Variants in SLC8A1 observed in about 807,000 individuals in gnomAD.
SLC8A1 encodes the protein sodium/calcium exchanger 1.
In SLC8A1, 18 loss-of-function variants were observed where a neutral mutation model predicts 68.3. The ratio of observed to expected loss-of-function variants is 0.26; its 90% confidence interval spans 0.18 to 0.39. The LOEUF is 0.39. SLC8A1 is among the 10% of genes least tolerant of loss of function. The pLI, the probability that SLC8A1 is intolerant of heterozygous loss-of-function variation, is 1.00. For synonymous variants in SLC8A1, 475 were observed against 415.5 expected (o/e 1.14, Z -1.74); for missense variants, 985 against 1,156.7 (o/e 0.85, Z 2.15).
intron 2 of SLC8A1, among the ~76,000 whole-genome samples, chr2:40,232,933 CT>C (rs1193811431): frequency 1.3e-5 from 2 of 148,706 alleles, no homozygotes; most frequent in African/African-American, 5.0e-5. Flanking sequence ...TGAACTCATC[CT>C]TTTTTATGGC....
At chr2:40,118,824 T>G (rs1441552060) in intron 7 of SLC8A1, among the ~76,000 whole-genome samples, 1 of 151,968 alleles carries the variant, frequency 6.6e-6, no homozygotes, top group Admixed American at 6.5e-5. Flanking sequence ...TAATTCCCTC[T>G]GTATGCTACA....
At chr2:40,295,045 A>C in intron 2 of SLC8A1, among the ~76,000 whole-genome samples, 1 of 152,202 alleles carries the variant, frequency 6.6e-6, no homozygotes. Context: ...ATAACTACAG[A>C]TAATCCATAA....
chr2:40,272,838 GGCAAGTAC>G lies in SLC8A1; in HGVS notation c.1809-94991_1809-94984del, dbSNP rs2066212702. Among the ~76,000 whole-genome samples, 3 of 152,328 alleles carry G rather than the reference GGCAAGTAC, an allele frequency of 2.0e-5. No homozygotes were observed. In the East Asian group the frequency reaches 5.8e-4, roughly 29 times the overall value. ...AGCTCACTCTGCTGCCACAGACTCT[GGCAAGTAC>G]GATTTGGAGCACTGACACATGGCCT... is the stretch of plus-strand genomic sequence containing the variant. On this transcript the variant is annotated intron_variant, in intron 2 of 7. Transcript: ENST00000406785.
At chr2:40,323,545 C>G (rs1313995131) in intron 2 of SLC8A1, among the ~76,000 whole-genome samples, 2 of 152,048 alleles carry the variant, frequency 1.3e-5, no homozygotes, top group Non-Finnish European at 2.9e-5. Flanking sequence ...TTTCTATTAA[C>G]ACTCATTCCG....
At chr2:40,151,468 G>C (rs561147409) in intron 6 of SLC8A1, among the ~76,000 whole-genome samples, 8 of 152,286 alleles carry the variant, frequency 5.3e-5, no homozygotes, top group African/African-American at 1.9e-4. Flanking sequence ...TAGAGAAATA[G>C]CGATGAACAG....
intron 1 of SLC8A1, among the ~76,000 whole-genome samples, chr2:40,487,296 C>T (rs1705030829): frequency 6.6e-6 from 1 of 151,918 alleles, no homozygotes; most frequent in African/African-American, 2.4e-5. Context: ...AGATTTTTCT[C>T]CTTAATATTT....
chr2:40,498,510 G>A (rs1406071042), intron 1 of SLC8A1, among the ~76,000 whole-genome samples: 1 of 152,052 alleles, frequency 6.6e-6, no homozygotes, highest in African/African-American at 2.4e-5. Context: ...AAACCTATCA[G>A]ACAGATAAAT....
chr2:40,291,435 G>A (rs567038774), intron 2 of SLC8A1, among the ~76,000 whole-genome samples: 6 of 152,170 alleles, frequency 3.9e-5, no homozygotes, highest in African/African-American at 9.6e-5. Context: ...CTCATATTCC[G>A]AAAGTTTCCT....
chr2:40,302,407 C>T (rs1208933867), intron 2 of SLC8A1, among the ~76,000 whole-genome samples: 1 of 148,988 alleles, frequency 6.7e-6, no homozygotes, highest in African/African-American at 2.5e-5. Flanking sequence ...GCCATTAATT[C>T]ATTCCTTTTT....
intron 2 of SLC8A1, among the ~76,000 whole-genome samples, chr2:40,343,578 T>C (rs1340462089): frequency 3.3e-5 from 5 of 152,202 alleles, no homozygotes; most frequent in East Asian, 1.9e-4. Flanking sequence ...CTTGTATGTA[T>C]TAGGATCTGT....
chr2:40,401,645 GAAAAAAA>G (rs68092033), intron 2 of SLC8A1, among the ~76,000 whole-genome samples: 1 of 143,278 alleles, frequency 7.0e-6, no homozygotes. Context: ...CACATTAAGT[GAAAAAAA>G]AAAAAAAGTT....
chr2:40,399,778 T>C (rs1427173847), intron 2 of SLC8A1, among the ~76,000 whole-genome samples: 1 of 152,152 alleles, frequency 6.6e-6, no homozygotes, highest in African/African-American at 2.4e-5. Context: ...AACCACCATC[T>C]TTCTAAATTC....
At chr2:40,376,499 G>A (rs770520151) in intron 2 of SLC8A1, among the ~76,000 whole-genome samples, 9 of 152,036 alleles carry the variant, frequency 5.9e-5, no homozygotes, top group Non-Finnish European at 1.2e-4. Flanking sequence ...CTCACTCTCT[G>A]TTGTCAGTCA....
intron 2 of SLC8A1, among the ~76,000 whole-genome samples, chr2:40,398,349 C>A (rs1028232053): frequency 6.6e-6 from 1 of 152,090 alleles, no homozygotes; most frequent in Non-Finnish European, 1.5e-5. Context: ...ATATCTAGAT[C>A]CACTCCTCAC....
At chr2:40,265,257 A>G (rs2065219508) in intron 2 of SLC8A1, among the ~76,000 whole-genome samples, 1 of 152,212 alleles carries the variant, frequency 6.6e-6, no homozygotes. Context: ...TTACAGCAGG[A>G]TAACATAGCT....
chr2:40,232,350 G>A (rs1056240161), intron 2 of SLC8A1, among the ~76,000 whole-genome samples: 1 of 150,634 alleles, frequency 6.6e-6, no homozygotes, highest in Non-Finnish European at 1.5e-5. Flanking sequence ...CAGACAGATT[G>A]TATTATTTTA....
At chr2:40,105,111 A>G (rs1441394081) in exon 8 of SLC8A1, 3 of 152,174 alleles carry the variant, frequency 2.0e-5, no homozygotes, top group Non-Finnish European at 4.4e-5. Flanking sequence ...TCCAAGGAGA[A>G]TTAGAAAATA....
chr2:40,400,492 A>C (rs1455667191), intron 2 of SLC8A1, among the ~76,000 whole-genome samples: 1 of 152,208 alleles, frequency 6.6e-6, no homozygotes, highest in East Asian at 1.9e-4. Context: ...CAAACCATGC[A>C]TTCACTAGAC....
rs549657717 is a variant in SLC8A1 at position 40,117,621 on chromosome 2, T to C, written c.2438-1992A>G. Among the ~76,000 whole-genome samples the C allele has an allele frequency of 3.2e-4, 49 of 151,942 alleles. No individual in the cohort carries two copies. In the South Asian group the frequency reaches 9.8e-3, roughly 30 times the overall value. Reference sequence around the variant, plus strand: ...TCAGCTACCTTGCACAGTAGGATTATAGCAGATATTAATAACTGTCAAATT... The same window carrying C: ...TCAGCTACCTTGCACAGTAGGATTACAGCAGATATTAATAACTGTCAAATT... On this transcript the variant is annotated intron_variant, in intron 7 of 7. Transcript: ENST00000406785.
Sources: gnomAD v4.1 joint callset for allele counts (sites outside exome capture counted in the v4.1 genomes callset) on GRCh38, gnomAD v4.1.1 for gene constraint, MANE v1.5 for transcripts, NCBI Gene and HGNC (gene_info 2026-07-23, HGNC 2026-07-21) for gene names.